PDE1A: variants seen among roughly 807,000 people sequenced by gnomAD.
The protein encoded by PDE1A is dual specificity calcium/calmodulin-dependent 3',5'-cyclic nucleotide phosphodiesterase 1A.
In PDE1A, 35 loss-of-function variants were observed where a neutral mutation model predicts 61.7. That is an observed-to-expected ratio of 0.57 (90% confidence interval 0.43 to 0.75). PDE1A has a LOEUF of 0.75. Ranked by LOEUF, PDE1A falls within the 30% of genes least tolerant of loss-of-function variation. The pLI is 0.00. For synonymous variants in PDE1A, 232 were observed against 213.2 expected (o/e 1.09, Z -0.77); for missense variants, 597 against 630.6 (o/e 0.95, Z 0.57).
chr2:182,182,576 C>G (rs369132379), intron 13 of PDE1A, among the ~76,000 whole-genome samples: 3 of 152,090 alleles, frequency 2.0e-5, no homozygotes, highest in Non-Finnish European at 2.9e-5. Flanking sequence ...CAGTTCAGAT[C>G]AATCAACATT....
chr2:182,165,204 T>C (rs1196066), downstream of PDE1A, among the ~76,000 whole-genome samples: 113,196 of 152,040 alleles, frequency 0.74, 42,401 homozygotes, highest in East Asian at 0.91. Flanking sequence ...GAACTACTTA[T>C]CATCACCTCT....
rs144115770 is a variant in PDE1A, at chr2:182,401,962, T to C, written c.53+24616A>G. 1.4e-4 allele frequency among the ~76,000 whole-genome samples: 21 copies of C among 152,000 alleles called. No individual in the cohort carries two copies. In the East Asian group the frequency reaches 3.5e-3, roughly 25 times the overall value. ...AAATAAAATACCTAGAAATACAACTTACAAGGGATGAGAAGGACCTCTCAA... is the reference window on the plus strand; with the variant it reads ...AAATAAAATACCTAGAAATACAACTCACAAGGGATGAGAAGGACCTCTCAA... On this transcript the variant is annotated intron_variant, in intron 1 of 13. Transcript: ENST00000351439.
At chr2:182,287,163 A>G (rs1694220621) in intron 1 of PDE1A, among the ~76,000 whole-genome samples, 2 of 151,924 alleles carry the variant, frequency 1.3e-5, no homozygotes, top group South Asian at 4.2e-4. Context: ...TTCCCCTATG[A>G]TCTTTATACC....
At chr2:182,335,361 A>G (rs145972373) in intron 1 of PDE1A, among the ~76,000 whole-genome samples, 7,129 of 152,292 alleles carry the variant, frequency 0.047, 530 homozygotes, top group African/African-American at 0.16. Context: ...ACCTGACTTC[A>G]AACTATACTA....
At chr2:182,170,843 C>T (rs780089277) in intron 13 of PDE1A, among the ~76,000 whole-genome samples, 1 of 151,728 alleles carries the variant, frequency 6.6e-6, no homozygotes, top group Non-Finnish European at 1.5e-5. Flanking sequence ...GATTATTTAC[C>T]ATACATAATA....
At chr2:182,490,502 T>G (rs1005237802) in intron 2 of PDE1A, among the ~76,000 whole-genome samples, 28 of 152,176 alleles carry the variant, frequency 1.8e-4, no homozygotes, top group African/African-American at 6.8e-4. Flanking sequence ...CCCGAATAGC[T>G]GAGATTGCAA....
intron 2 of PDE1A, among the ~76,000 whole-genome samples, chr2:182,433,817 G>A (rs908561718): frequency 1.3e-5 from 2 of 151,940 alleles, no homozygotes; most frequent in Admixed American, 1.3e-4. Flanking sequence ...CACTACCTGT[G>A]CTGGCATTTT....
intron 1 of PDE1A, among the ~76,000 whole-genome samples, chr2:182,375,380 T>C (rs748285090): frequency 6.6e-6 from 1 of 152,226 alleles, no homozygotes; most frequent in Non-Finnish European, 1.5e-5. Flanking sequence ...TAAATAGAGC[T>C]GTTCCAAATG....
chr2:182,285,075 C>T (rs576828017), intron 1 of PDE1A, among the ~76,000 whole-genome samples: 15 of 152,174 alleles, frequency 9.9e-5, no homozygotes, highest in South Asian at 4.1e-4. Flanking sequence ...CAAACTTGCA[C>T]GCAGATAATT....
the PDE1A span, among the ~76,000 whole-genome samples, chr2:182,689,264 C>G: frequency 6.6e-6 from 1 of 152,130 alleles, no homozygotes; most frequent in Non-Finnish European, 1.5e-5. Context: ...CCAAAATTGA[C>G]CACATAGTTG....
chr2:182,507,604 G>A (rs1443985645), intron 2 of PDE1A, among the ~76,000 whole-genome samples: 2 of 152,114 alleles, frequency 1.3e-5, no homozygotes, highest in Non-Finnish European at 2.9e-5. Flanking sequence ...CCAAGAGTAA[G>A]TATGAGAGAG....
chr2:182,574,559 T>C, the PDE1A span, among the ~76,000 whole-genome samples: 1 of 152,240 alleles, frequency 6.6e-6, no homozygotes, highest in Admixed American at 6.5e-5. Context: ...TAAATGCTGA[T>C]ATGAAGTTGA....
chr2:182,319,968 A>G (rs1574340604), intron 1 of PDE1A, among the ~76,000 whole-genome samples: 1 of 152,272 alleles, frequency 6.6e-6, no homozygotes, highest in Admixed American at 6.5e-5. Context: ...AGACTATGTC[A>G]GTGGTCTGCA....
chr2:182,599,185 G>A, the PDE1A span, among the ~76,000 whole-genome samples: 2 of 152,158 alleles, frequency 1.3e-5, no homozygotes, highest in African/African-American at 4.8e-5. Flanking sequence ...AGAAGTGACT[G>A]CTCCCACTGC....
chr2:182,414,795 G>C (rs569391518), intron 1 of PDE1A, among the ~76,000 whole-genome samples: 1 of 152,018 alleles, frequency 6.6e-6, no homozygotes, highest in Non-Finnish European at 1.5e-5. Flanking sequence ...ATGATGTGTT[G>C]GTAGGCAGGA....
chr2:182,219,103 T>C (rs1688500739), intron 7 of PDE1A, among the ~76,000 whole-genome samples: 1 of 152,106 alleles, frequency 6.6e-6, no homozygotes, highest in African/African-American at 2.4e-5. Context: ...TTTTTTACTC[T>C]CTTATAATGT....
At chr2:182,482,205 T>C (rs1261191496) in intron 2 of PDE1A, among the ~76,000 whole-genome samples, 6 of 152,042 alleles carry the variant, frequency 3.9e-5, no homozygotes, top group South Asian at 4.1e-4. Context: ...AAGTAAAAAG[T>C]AGAGATTTAA....
the PDE1A span, among the ~76,000 whole-genome samples, chr2:182,644,243 C>T: frequency 9.2e-5 from 12 of 131,098 alleles, no homozygotes; most frequent in Admixed American, 9.3e-4. Flanking sequence ...CCGATGTCTC[C>T]AGGTCAGAGT....
chr2:182,554,659 CAT>C, the PDE1A span, among the ~76,000 whole-genome samples: 1 of 152,078 alleles, frequency 6.6e-6, no homozygotes, highest in African/African-American at 2.4e-5. Context: ...TTATTTAACT[CAT>C]AGAGTTATAC....
Sources: gnomAD v4.1 joint callset for allele counts (sites outside exome capture counted in the v4.1 genomes callset) on GRCh38, gnomAD v4.1.1 for gene constraint, MANE v1.5 for transcripts, NCBI Gene and HGNC (gene_info 2026-07-23, HGNC 2026-07-21) for gene names.